Variants in RRP1B observed in about 807,000 individuals in gnomAD.
The protein encoded by RRP1B is ribosomal RNA processing protein 1 homolog B.
RRP1B carries 56 observed loss-of-function variants against 80.2 expected under a neutral mutation model. The observed-to-expected ratio is 0.70, with a 90% CI of 0.56 to 0.87. RRP1B has a LOEUF of 0.87. RRP1B is among the 40% of genes least tolerant of loss of function. RRP1B has a pLI of 0.00. For synonymous variants in RRP1B, 351 were observed against 357.6 expected, an observed-to-expected ratio of 0.98 and a Z score of 0.21; for missense variants, 807 against 939.8, an observed-to-expected ratio of 0.86 and a Z score of 1.85.
In RRP1B at chr21:43,690,460, T is replaced by C; in HGVS notation, c.2019+20T>C. ...GTCCAGGTACGCACCCTCCCCAGAG[T>C]GGCACAGCACATTTCACCACAAGGG... is the stretch of plus-strand genomic sequence containing the variant. On this transcript the variant is annotated intron_variant, in intron 14 of 15. Transcript: ENST00000340648. The C allele has an allele frequency of 1.2e-6, 2 of 1,612,218 alleles. No homozygotes were observed. The highest frequency in any genetic ancestry group is 1.7e-6 in the Non-Finnish European group (2 of 1,179,232).
rs2083104213 is a variant in RRP1B, at chr21:43,695,576, A to G, written c.*2193A>G. On this transcript the variant is annotated 3_prime_UTR_variant, in exon 16 of 16. Transcript: ENST00000340648. ...TGCCTAAGTTTTGACAGCAGGAAGA[A>G]AACAATTTTTTAAAAATTCTCATTA... The G allele has an allele frequency of 6.6e-6, 1 of 152,222 alleles. No individual in the cohort carries two copies. The highest frequency in any genetic ancestry group is 2.4e-5 in the African/African-American group (1 of 41,462). The allele number at this position is 152,222 out of a possible 1,614,324, so 9.4% of individuals were successfully genotyped here.
chr21:43,665,087 C>T (rs1410620577), intron 1 of RRP1B, among the ~76,000 whole-genome samples: 2 of 152,216 alleles, frequency 1.3e-5, no homozygotes, highest in Admixed American at 6.5e-5. Flanking sequence ...CCATTATGAA[C>T]GCCTCTGTAG....
In RRP1B at chr21:43,693,274, A is replaced by G; in HGVS notation, c.2168A>G (p.His723Arg). ...VAFDPEQKPL[H>R]GVLKTPTSSP... is the part of the protein sequence containing the mutation. ...TTCGACCCTGAACAGAAGCCCCTCC[A>G]CGGGGTGCTGAAGACCCCCACCAGC... Residue 723 changes from histidine to arginine, a missense_variant, in exon 16 of 16, where the codon CAC (histidine) becomes CGC (arginine). Coordinates refer to ENST00000340648, the MANE Select transcript of RRP1B (RefSeq NM_015056.3). The surrounding 1 kb of genome is among the most constrained non-coding windows in gnomAD (Gnocchi z 4.1). 6.2e-7 allele frequency: 1 copy of G among 1,613,934 alleles called. No homozygotes were observed. Among genetic ancestry groups the G allele is most frequent in the East Asian group, 2.2e-5 (1 of 44,856 alleles).
chr21:43,672,208 T>C (rs2083002220), intron 2 of RRP1B, 100 bp from the exon 3 acceptor site: 2 of 969,210 alleles, frequency 2.1e-6, no homozygotes, highest in East Asian at 4.8e-5. Context: ...GGGCAGACCT[T>C]CCCACGAGCG....
In RRP1B at chr21:43,691,781, G is replaced by A. The variant is rs543020748; in HGVS notation, c.2083+279G>A. On this transcript the variant is annotated intron_variant, in intron 15 of 15. Coordinates refer to ENST00000340648, the MANE Select transcript of RRP1B (RefSeq NM_015056.3). The surrounding 1 kb of genome is among the most constrained non-coding windows in gnomAD (Gnocchi z 4.2). ...CAGGCTGCCGGGTAGCGGGTAGCTG[G>A]GATCACAGGTGCACGCCATCACATC... Among the ~76,000 whole-genome samples the A allele has an allele frequency of 6.6e-6, 1 of 152,004 alleles. No homozygotes were observed. The highest frequency in any genetic ancestry group is 2.1e-4 in the South Asian group (1 of 4,808).
At chr21:43,667,234 TTTGTTTGTTTGA>T (rs1020009148) in intron 1 of RRP1B, among the ~76,000 whole-genome samples, 2 of 152,148 alleles carry the variant, frequency 1.3e-5, no homozygotes, top group African/African-American at 4.8e-5. Flanking sequence ...TGTTTGTTTG[TTTGTTTGTTTGA>T]GAGACAGAGT....
intron 8 of RRP1B, among the ~76,000 whole-genome samples, chr21:43,677,215 T>G (rs929439282): frequency 3.3e-5 from 5 of 152,206 alleles, no homozygotes; most frequent in African/African-American, 9.6e-5. Flanking sequence ...TTGTTTGCTT[T>G]GTTGTTTTTT....
chr21:43,684,722 T>C, intron 10 of RRP1B, 72 bp downstream of exon 10: 1 of 1,194,178 alleles, frequency 8.4e-7, no homozygotes, highest in South Asian at 1.2e-5. Flanking sequence ...GGACAAGCCA[T>C]CTGCATGCTT....
chr21:43,672,326 A>T lies in RRP1B; in HGVS notation c.232A>T (p.Ile78Phe). ...PLLQEELANT[I>F]AQLVHAVNNS... Reference sequence around the variant, plus strand: ...TCTGCAGGAAGAGCTCGCCAACACCATTGCACAGCTAGTCCATGCTGTTAA... The same window carrying T: ...TCTGCAGGAAGAGCTCGCCAACACCTTTGCACAGCTAGTCCATGCTGTTAA... Residue 78 changes from isoleucine to phenylalanine, a missense_variant, in exon 3 of 16, where the codon ATT becomes TTT. Transcript: ENST00000340648. The T allele has an allele frequency of 6.2e-7, 1 of 1,614,090 alleles. No individual in the cohort carries two copies.
At chr21:43,676,986 C>T in intron 8 of RRP1B, 72 bp downstream of exon 8, 2 of 1,437,372 alleles carry the variant, frequency 1.4e-6, no homozygotes, top group South Asian at 1.3e-5. Flanking sequence ...GTTTTTAATA[C>T]ATTTGTTGGC....
rs141486946 is a variant in RRP1B, at chr21:43,671,816, G to A, written c.214-492G>A. Among the ~76,000 whole-genome samples the A allele has an allele frequency of 1.5e-3, 223 of 152,272 alleles. 2 individuals carry two copies. Among genetic ancestry groups the A allele is most frequent in the African/African-American group, 5.1e-3 (213 of 41,546 alleles). ...CAATTCTGTCTCAGCCTCTCGAGTA[G>A]CTGGAACTACAGGCACACGCCACCA... On this transcript the variant is annotated intron_variant, in intron 2 of 15. Transcript: ENST00000340648.
chr21:43,668,198 G>C (rs1333666162), intron 1 of RRP1B, among the ~76,000 whole-genome samples: 2 of 143,732 alleles, frequency 1.4e-5, no homozygotes, highest in Admixed American at 6.9e-5. Context: ...AACAGAGCAA[G>C]ACTCTATCTC....
rs777475847 is a variant in RRP1B, at chr21:43,687,667, C to A, written c.1293C>A (p.Pro431=). ...PSLEQNRGRE[P]EASGLKALKA... ...TGGAACAGAACCGGGGCAGGGAGCC[C>A]GAGGCCTCTGGGCTGAAAGCCCTGA... is the stretch of plus-strand genomic sequence containing the variant. Residue 431 remains proline (P), a synonymous_variant, in exon 13 of 16, where the codon CCC becomes CCA. Transcript: ENST00000340648. 5 of 1,593,320 alleles carry A rather than the reference C, an allele frequency of 3.1e-6. No individual in the cohort carries two copies. Among genetic ancestry groups the A allele is most frequent in the Non-Finnish European group, 4.3e-6 (5 of 1,167,838 alleles).
intron 13 of RRP1B, among the ~76,000 whole-genome samples, chr21:43,688,945 A>G (rs1489945840): frequency 1.3e-5 from 2 of 152,180 alleles, no homozygotes; most frequent in Non-Finnish European, 2.9e-5. Context: ...ACACATCACC[A>G]TGCCCAGCTA....
Position 43,687,853 on chromosome 21 carries a change from C to T in RRP1B, c.1479C>T (p.Pro493=). Reference sequence around the variant, plus strand: ...AAATGTTGGAATCAGCAGTGTTGCCCCCAGAGGACATGTCTCAGAGTGGCC... The same window carrying T: ...AAATGTTGGAATCAGCAGTGTTGCCTCCAGAGGACATGTCTCAGAGTGGCC... ...HREMLESAVL[P]PEDMSQSGPS... is the part of the protein sequence containing the mutation. The change falls in exon 13 of 16, where the codon CCC becomes CCT. Residue 493 remains proline, a synonymous_variant. Transcript: ENST00000340648. 1.9e-6 allele frequency: 3 copies of T among 1,613,308 alleles called. No homozygotes were observed. Among genetic ancestry groups the T allele is most frequent in the South Asian group, 1.1e-5 (1 of 91,084 alleles).
chr21:43,691,589 C>A lies in RRP1B; in HGVS notation c.2083+87C>A. ...TCGCAGCCTGGTTCCACAAGGCGGT[C>A]GGGGAAGAGGGGGGTCCTAGCTCCT... On this transcript the variant is annotated intron_variant, in intron 15 of 15. Coordinates refer to ENST00000340648, the MANE Select transcript of RRP1B (RefSeq NM_015056.3). The surrounding 1 kb of genome is among the most constrained non-coding windows in gnomAD (Gnocchi z 4.2). 8.7e-7 allele frequency: 1 copy of A among 1,153,544 alleles called. No homozygotes were observed. Among genetic ancestry groups the A allele is most frequent in the South Asian group, 1.2e-5 (1 of 80,216 alleles). The allele number at this position is 1,153,544 out of a possible 1,614,324, so 71.5% of individuals were successfully genotyped here. A position where few individuals can be genotyped will look rare whatever the true frequency, so the allele number is the denominator to read the frequency against.
At chr21:43,684,439 C>T (rs2083055774) in intron 9 of RRP1B, 114 bp from the exon 10 acceptor site, 1 of 866,286 alleles carries the variant, frequency 1.2e-6, no homozygotes, top group Non-Finnish European at 1.9e-6. Flanking sequence ...GCTTGTTTAG[C>T]CTATCTGTTG....
Position 43,674,699 on chromosome 21 carries a change from T to C in RRP1B, c.419+2T>C. On this transcript the variant is annotated splice_donor_variant, in intron 5 of 15. Transcript: ENST00000340648. LOFTEE classifies it high-confidence loss of function. ...GAAGCGAAATGGCTGGGAAGAAAGG[T>C]CAGTAAACCATTTGAGTTAGCATGT... The C allele has an allele frequency of 1.9e-6, 3 of 1,602,790 alleles. No homozygotes were observed. The highest frequency in any genetic ancestry group is 2.6e-6 in the Non-Finnish European group (3 of 1,176,414).
chr21:43,685,907 TAAG>T lies in RRP1B; in HGVS notation c.1009+121_1009+123del, dbSNP rs1466135410. 1.6e-4 allele frequency: 205 copies of T among 1,322,278 alleles called. 4 individuals carry two copies. The South Asian group carries it at 2.8e-3, about 18-fold the overall frequency. The allele number at this position is 1,322,278 out of a possible 1,614,324, so 81.9% of individuals were successfully genotyped here. The stretch of plus-strand genomic sequence containing the variant: ...AAAGAACTTTACTGAAAACCTCTGA[TAAG>T]AAATAATAGTCCCTAGCCCAGGCAA... On this transcript the variant is annotated intron_variant, in intron 11 of 15. Transcript: ENST00000340648.
Sources: allele counts gnomAD v4.1 joint callset (sites outside exome capture counted in the v4.1 genomes callset), GRCh38; gene constraint gnomAD v4.1.1; non-coding constraint Gnocchi (gnomAD v3.1); transcripts MANE v1.5; gene names NCBI Gene and HGNC (gene_info 2026-07-23, HGNC 2026-07-21).